Variants in CFAP221 observed in about 807,000 individuals in gnomAD.
CFAP221 encodes the protein cilia and flagella associated protein 221.
A neutral mutation model predicts 113.1 loss-of-function variants in CFAP221; 97 were observed. The observed-to-expected ratio is 0.86, with a 90% CI of 0.73 to 1.02. The LOEUF (loss-of-function observed/expected upper bound fraction) is 1.02. CFAP221 is among the 50% of genes least tolerant of loss of function. The pLI, the probability that CFAP221 is intolerant of heterozygous loss-of-function variation, is 0.00. For missense variants in CFAP221, 1,025 were observed against 1,013.4 expected (o/e 1.01, Z -0.16); for synonymous variants, 331 against 354.4 (o/e 0.93, Z 0.74).
chr2:119,545,434 C>T (rs538429157), intron 1 of CFAP221, among the ~76,000 whole-genome samples: 2 of 152,312 alleles, frequency 1.3e-5, no homozygotes, highest in African/African-American at 4.8e-5. Context: ...GAAAGTGGAA[C>T]TTAAAATGAG....
chr2:119,564,618 T>C (rs1407718220), intron 6 of CFAP221, among the ~76,000 whole-genome samples: 1 of 152,178 alleles, frequency 6.6e-6, no homozygotes, highest in Admixed American at 6.5e-5. Flanking sequence ...TTTACATAGA[T>C]GGAATCCTAC....
chr2:119,615,802 T>TA, intron 14 of CFAP221, 93 bp downstream of exon 14: 1 of 886,638 alleles, frequency 1.1e-6, no homozygotes, highest in South Asian at 1.8e-5. Flanking sequence ...TTTATTGAGA[T>TA]ACAATTTACA....
At chr2:119,638,616 C>T (rs897275797) in intron 20 of CFAP221, among the ~76,000 whole-genome samples, 199 bp downstream of exon 20, 2 of 152,198 alleles carry the variant, frequency 1.3e-5, no homozygotes, top group Non-Finnish European at 2.9e-5. Context: ...CCTGACCACA[C>T]CTGCCTCTCG....
At chr2:119,632,898 A>G (rs1686875335) in intron 19 of CFAP221, among the ~76,000 whole-genome samples, 2 of 152,146 alleles carry the variant, frequency 1.3e-5, no homozygotes, top group Admixed American at 1.3e-4. Flanking sequence ...CAATAGCATC[A>G]AAACATGAAA....
downstream of CFAP221, among the ~76,000 whole-genome samples, chr2:119,658,924 G>A (rs771201658): frequency 6.6e-6 from 1 of 151,288 alleles, no homozygotes; most frequent in Non-Finnish European, 1.5e-5. Context: ...CCAGGAAGTC[G>A]AGGCTGCAGT....
Position 119,558,172 on chromosome 2 carries a change from A to G in CFAP221, c.241-1517A>G, listed in dbSNP as rs6727875. On this transcript the variant is annotated intron_variant, in intron 3 of 23. Coordinates refer to ENST00000413369, the MANE Select transcript of CFAP221 (RefSeq NM_001271049.2). ...TTGAGGACTTCACAGCCCTCCCCCAATGAGAAGCATGGGGACAAAGCTCTT... is the reference window on the plus strand; with the variant it reads ...TTGAGGACTTCACAGCCCTCCCCCAGTGAGAAGCATGGGGACAAAGCTCTT... 5.1e-3 allele frequency among the ~76,000 whole-genome samples: 783 copies of G among 152,190 alleles called. 4 individuals carry two copies. The highest frequency in any genetic ancestry group is 0.018 in the African/African-American group (745 of 41,530).
chr2:119,656,420 A>G lies in CFAP221; in HGVS notation c.2473A>G (p.Met825Val). The G allele has an allele frequency of 1.9e-6, 3 of 1,613,924 alleles. No individual in the cohort carries two copies. The highest frequency in any genetic ancestry group is 1.7e-6 in the Non-Finnish European group (2 of 1,179,970). ...GGCCGGAGAGAAGCTGCTCGAGGAG[A>G]TGAGGAACCTGCGGGGCAAAGCACT... ...EKAGEKLLEE[M>V]RNLRGKALNT... is the part of the protein sequence containing the mutation. The change falls in exon 24 of 24, where the codon ATG becomes GTG. Residue 825 changes from methionine to valine, a missense_variant. By Grantham distance (21) the Met-to-Val change is conservative. Transcript: ENST00000413369.
chr2:119,582,509 G>A (rs1164177666), intron 6 of CFAP221, among the ~76,000 whole-genome samples: 5 of 149,798 alleles, frequency 3.3e-5, no homozygotes, highest in African/African-American at 1.2e-4. Context: ...AGGCTGGAGT[G>A]CAGTGATGCG....
chr2:119,645,103 G>GCTCTCT (rs377302067), intron 21 of CFAP221, among the ~76,000 whole-genome samples: 1 of 136,310 alleles, frequency 7.3e-6, no homozygotes, highest in African/African-American at 2.7e-5. Context: ...CATTCCTTTA[G>GCTCTCT]CTCTCTCTCT....
In CFAP221 at chr2:119,608,500, A is replaced by G; in HGVS notation, c.1134-2A>G. 6.4e-7 allele frequency: 1 copy of G among 1,567,934 alleles called. No individual in the cohort carries two copies. The highest frequency in any genetic ancestry group is 8.7e-7 in the Non-Finnish European group (1 of 1,155,584). On this transcript the variant is annotated splice_acceptor_variant, in intron 11 of 23. Coordinates refer to ENST00000413369, the MANE Select transcript of CFAP221 (RefSeq NM_001271049.2). LOFTEE classifies it high-confidence loss of function. ...GACACAGTTTTTTTTTTTTCTCCCC[A>G]GGCAGGTGCACCTTGGTAAAGATCC...
chr2:119,609,548 G>T (rs975219354), intron 12 of CFAP221, among the ~76,000 whole-genome samples: 3 of 152,192 alleles, frequency 2.0e-5, no homozygotes, highest in Admixed American at 6.5e-5. Flanking sequence ...CTTCCTCTGT[G>T]TCTGTGTCCT....
At chr2:119,601,087 A>T in intron 7 of CFAP221, 131 bp from the exon 8 acceptor site, 1 of 913,480 alleles carries the variant, frequency 1.1e-6, no homozygotes, top group Non-Finnish European at 1.5e-6. Flanking sequence ...GTGGATTTTC[A>T]ATTGTGTGGG....
intron 7 of CFAP221, among the ~76,000 whole-genome samples, chr2:119,592,136 G>A (rs2104632636): frequency 6.6e-6 from 1 of 152,154 alleles, no homozygotes; most frequent in Non-Finnish European, 1.5e-5. Flanking sequence ...TGTACAAAGA[G>A]GAGAAAGAGG....
At chr2:119,581,699 T>G (rs1682857605) in intron 6 of CFAP221, among the ~76,000 whole-genome samples, 1 of 152,156 alleles carries the variant, frequency 6.6e-6, no homozygotes, top group Non-Finnish European at 1.5e-5. Context: ...TTATGAAGAT[T>G]TGGTAAGTGC....
At chr2:119,601,187 G>T (rs115643780) in intron 7 of CFAP221, 31 bp from the exon 8 acceptor site, 55,823 of 1,493,252 alleles carry the variant, frequency 0.037, 1,198 homozygotes, top group Non-Finnish European at 0.043. Context: ...AGAAGAGAGG[G>T]TATCACATTT....
chr2:119,633,298 T>G (rs1432630534), intron 19 of CFAP221, among the ~76,000 whole-genome samples: 1 of 151,818 alleles, frequency 6.6e-6, no homozygotes, highest in African/African-American at 2.4e-5. Flanking sequence ...TGATCTTCAA[T>G]TAGACAAAGA....
intron 15 of CFAP221, among the ~76,000 whole-genome samples, chr2:119,626,420 A>G (rs1000294722): frequency 6.6e-6 from 1 of 152,092 alleles, no homozygotes; most frequent in Non-Finnish European, 1.5e-5. Context: ...TTGATAATGA[A>G]CAAGGTCCCC....
intron 23 of CFAP221, 115 bp from the exon 24 acceptor site, chr2:119,656,247 T>C: frequency 4.1e-6 from 3 of 735,764 alleles, no homozygotes; most frequent in Non-Finnish European, 4.7e-6. Flanking sequence ...GAAAACCTTC[T>C]TTGTATATTA....
intron 6 of CFAP221, among the ~76,000 whole-genome samples, chr2:119,568,703 G>T (rs1370843178): frequency 6.6e-6 from 1 of 152,140 alleles, no homozygotes; most frequent in Non-Finnish European, 1.5e-5. Flanking sequence ...GTATTCCATG[G>T]TGTATACGTA....
Sources: gnomAD v4.1 joint callset for allele counts (sites outside exome capture counted in the v4.1 genomes callset) on GRCh38, gnomAD v4.1.1 for gene constraint, MANE v1.5 for transcripts, NCBI Gene and HGNC (gene_info 2026-07-23, HGNC 2026-07-21) for gene names.